The following TMEM233 variants were observed in gnomAD, a reference collection of about 807,000 sequenced individuals.
TMEM233 encodes dispanin subfamily B member 2.
Under a neutral mutation model 11.2 loss-of-function variants are expected in TMEM233, and 6 were observed. That is an observed-to-expected ratio of 0.54 (90% confidence interval 0.29 to 1.06). The LOEUF is 1.06. Among genes scored for constraint, TMEM233 ranks in the 50% least tolerant of loss-of-function variants. TMEM233 has a pLI of 0.08. For synonymous variants in TMEM233, 59 were observed against 55.8 expected (o/e 1.06, Z -0.26); for missense variants, 127 against 144.7 (o/e 0.88, Z 0.63).
intron 1 of TMEM233, among the ~76,000 whole-genome samples, chr12:119,601,359 G>T (rs1192911628): frequency 2.0e-5 from 3 of 152,106 alleles, no homozygotes; most frequent in African/African-American, 7.2e-5. Flanking sequence ...AATGCTGAAG[G>T]CTAAACAATA....
At chr12:119,626,905 T>C (rs1954778299) in intron 1 of TMEM233, among the ~76,000 whole-genome samples, 1 of 152,192 alleles carries the variant, frequency 6.6e-6, no homozygotes. Context: ...CCACTCTAAG[T>C]ACTAGAAACA....
intron 1 of TMEM233, among the ~76,000 whole-genome samples, chr12:119,603,286 A>C (rs1404524280): frequency 1.3e-5 from 2 of 152,144 alleles, no homozygotes; most frequent in Non-Finnish European, 2.9e-5. Context: ...AAACAAAAAA[A>C]GTAAAAAGAA....
intron 1 of TMEM233, among the ~76,000 whole-genome samples, chr12:119,614,000 C>T (rs754945605): frequency 3.3e-5 from 5 of 151,674 alleles, no homozygotes; most frequent in Non-Finnish European, 5.9e-5. Flanking sequence ...AGGCTCCAAA[C>T]GAGATAGGAG....
chr12:119,623,861 T>A (rs185631127), intron 1 of TMEM233, among the ~76,000 whole-genome samples: 161 of 152,328 alleles, frequency 1.1e-3, no homozygotes, highest in African/African-American at 3.7e-3. Context: ...CACTAAGGCT[T>A]AGGAAAGTTG....
At chr12:119,625,985 T>TATA (rs139635093) in intron 1 of TMEM233, among the ~76,000 whole-genome samples, 2,515 of 152,322 alleles carry the variant, frequency 0.017, 64 homozygotes, top group African/African-American at 0.056. Flanking sequence ...ATACATTGCA[T>TATA]ATAATTGTTA....
intron 1 of TMEM233, among the ~76,000 whole-genome samples, chr12:119,614,779 TATCC>T (rs1385328881): frequency 5.3e-5 from 8 of 152,220 alleles, no homozygotes; most frequent in African/African-American, 1.9e-4. Flanking sequence ...AGATTACTTC[TATCC>T]CCATGGGGGT....
intron 1 of TMEM233, among the ~76,000 whole-genome samples, chr12:119,617,655 G>C (rs886816723): frequency 2.6e-5 from 4 of 152,054 alleles, no homozygotes; most frequent in Non-Finnish European, 4.4e-5. Flanking sequence ...CCAAAATAGA[G>C]AAACCCTGTC....
intron 1 of TMEM233, among the ~76,000 whole-genome samples, chr12:119,616,266 G>A (rs1237480821): frequency 1.3e-5 from 2 of 152,152 alleles, no homozygotes; most frequent in Non-Finnish European, 2.9e-5. Context: ...TATGAAATAC[G>A]TGATGAGAAC....
At chr12:119,599,798 C>T (rs538000545) in intron 1 of TMEM233, among the ~76,000 whole-genome samples, 3 of 152,276 alleles carry the variant, frequency 2.0e-5, no homozygotes, top group African/African-American at 7.2e-5. Flanking sequence ...CCCACTTCCT[C>T]ACCAACTCAG....
chr12:119,594,985 C>T lies in TMEM233; in HGVS notation c.186+951C>T, dbSNP rs968649465. On this transcript the variant is annotated intron_variant, in intron 1 of 2. Transcript: ENST00000426426. This position sits in a 1 kb window ranked among gnomAD's most constrained non-coding sequence, Gnocchi z 5.6. ...GAATGAACTAGGGGATTCCACGCAA[C>T]GTGCGGCTCCGCCCGCCCTCTGCGC... is the stretch of plus-strand genomic sequence containing the variant. 1.3e-5 allele frequency among the ~76,000 whole-genome samples: 2 copies of T among 152,208 alleles called. No individual in the cohort carries two copies. Among genetic ancestry groups the T allele is most frequent in the African/African-American group, 4.8e-5 (2 of 41,458 alleles).
Position 119,595,672 on chromosome 12 carries a change from G to C in TMEM233, c.186+1638G>C, listed in dbSNP as rs559183033. ...TTCATGACATAAATAATTGTAAAGT[G>C]CTTAGAACAGTGACCAGCACGGTAT... is the stretch of plus-strand genomic sequence containing the variant. On this transcript the variant is annotated intron_variant, in intron 1 of 2. Transcript: ENST00000426426. This position sits in a 1 kb window ranked among gnomAD's most constrained non-coding sequence, Gnocchi z 4.3. Among the ~76,000 whole-genome samples, 1 of 152,142 alleles carries C rather than the reference G, an allele frequency of 6.6e-6. No individual in the cohort carries two copies. The highest frequency in any genetic ancestry group is 2.4e-5 in the African/African-American group (1 of 41,416).
intron 2 of TMEM233, among the ~76,000 whole-genome samples, chr12:119,633,758 T>A (rs1954928018): frequency 6.6e-6 from 1 of 152,214 alleles, no homozygotes; most frequent in African/African-American, 2.4e-5. Flanking sequence ...AATTTCTCAG[T>A]AATCCTTTGA....
At position 119,639,959 on chromosome 12, in the gene TMEM233, A is replaced by T. The variant is rs533018342; in HGVS notation, c.324-740A>T. Among the ~76,000 whole-genome samples, 11 of 152,356 alleles carry T rather than the reference A, an allele frequency of 7.2e-5. No individual in the cohort carries two copies. The East Asian group carries it at 2.1e-3, about 29-fold the overall frequency. On this transcript the variant is annotated intron_variant, in intron 2 of 2. Coordinates refer to ENST00000426426, the MANE Select transcript of TMEM233 (RefSeq NM_001136534.3). ...CAAAAAAAGAAATTGCAGCACGATC[A>T]CATTGTGTAAACGCATACACATGAT...
chr12:119,615,765 G>A (rs1488810649), intron 1 of TMEM233, among the ~76,000 whole-genome samples: 5 of 152,204 alleles, frequency 3.3e-5, no homozygotes, highest in Non-Finnish European at 5.9e-5. Context: ...GGGCAGTGGA[G>A]TAGCTTTGCC....
chr12:119,597,671 G>A (rs963872316), intron 1 of TMEM233, among the ~76,000 whole-genome samples: 2 of 152,174 alleles, frequency 1.3e-5, no homozygotes, highest in African/African-American at 4.8e-5. Flanking sequence ...AGAACCAGGG[G>A]AGTCCTGGGG....
At chr12:119,612,781 G>A (rs573178046) in intron 1 of TMEM233, among the ~76,000 whole-genome samples, 36 of 151,444 alleles carry the variant, frequency 2.4e-4, no homozygotes, top group South Asian at 4.2e-4. Flanking sequence ...TTAGCCAGGC[G>A]TGGTGGTGTG....
At chr12:119,651,825 CAAAAAAAAAAA>C in the TMEM233 span, among the ~76,000 whole-genome samples, 9 of 79,420 alleles carry the variant, frequency 1.1e-4, no homozygotes, top group African/African-American at 1.6e-4. Context: ...GACTCCGTCT[CAAAAAAAAAAA>C]AAAAAAAAAA....
At chr12:119,607,918 G>T (rs1954316677) in intron 1 of TMEM233, among the ~76,000 whole-genome samples, 1 of 152,134 alleles carries the variant, frequency 6.6e-6, no homozygotes, top group African/African-American at 2.4e-5. Context: ...CACCCCAAAA[G>T]GTGATTCTTG....
At chr12:119,626,538 G>GGAGAAGAGAAGAGAAGAGAA (rs199737179) in intron 1 of TMEM233, among the ~76,000 whole-genome samples, 658 of 63,656 alleles carry the variant, frequency 0.01, 20 homozygotes, top group Admixed American at 0.017. Context: ...AAGGGAGAAG[G>GGAGAAGAGAAGAGAAGAGAA]GAGAAGAGAA....
Sources: gnomAD v4.1 joint callset for allele counts (sites outside exome capture counted in the v4.1 genomes callset) on GRCh38, gnomAD v4.1.1 for gene constraint, Gnocchi (gnomAD v3.1) non-coding constraint, MANE v1.5 for transcripts, NCBI Gene and HGNC (gene_info 2026-07-23, HGNC 2026-07-21) for gene names.